The following ZCCHC4 variants were observed in gnomAD, a reference collection of about 807,000 sequenced individuals.
ZCCHC4 encodes the protein rRNA N(6)-adenosine-methyltransferase ZCCHC4.
A neutral mutation model predicts 67.7 loss-of-function variants in ZCCHC4; 54 were observed. That is an observed-to-expected ratio of 0.80 (90% confidence interval 0.64 to 1.00). The LOEUF (loss-of-function observed/expected upper bound fraction) is 1.00, where lower values mean the gene tolerates loss of function less well. Among genes scored for constraint, ZCCHC4 ranks in the 50% least tolerant of loss-of-function variants. The probability of loss-of-function intolerance (pLI) is 0.00; values close to 1 mark genes in which losing one functional copy is unlikely to be tolerated. For synonymous variants in ZCCHC4, 198 were observed against 213.5 expected (o/e 0.93, Z 0.63); for missense variants, 609 against 617.0 (o/e 0.99, Z 0.14).
At chr4:25,336,258 TTC>T (rs1448587801) in intron 5 of ZCCHC4, among the ~76,000 whole-genome samples, 1 of 152,204 alleles carries the variant, frequency 6.6e-6, no homozygotes, top group African/African-American at 2.4e-5. Flanking sequence ...TGTGGCTGGC[TTC>T]TTTCACTTAG....
intron 10 of ZCCHC4, among the ~76,000 whole-genome samples, chr4:25,363,595 A>C (rs1277786027): frequency 2.0e-5 from 3 of 152,224 alleles, no homozygotes; most frequent in Non-Finnish European, 4.4e-5. Flanking sequence ...TTATATAAAC[A>C]TTAGAAAGCA....
intron 6 of ZCCHC4, among the ~76,000 whole-genome samples, chr4:25,347,493 G>C (rs1720079776): frequency 6.6e-6 from 1 of 152,160 alleles, no homozygotes. Flanking sequence ...TTCAGCAGCA[G>C]CCTCTAAATA....
intron 3 of ZCCHC4, among the ~76,000 whole-genome samples, chr4:25,330,356 A>C (rs1338326573): frequency 6.6e-6 from 1 of 151,790 alleles, no homozygotes. Flanking sequence ...GTAATATTTT[A>C]TTGGATACTA....
Position 25,365,020 on chromosome 4 carries a change from A to G in ZCCHC4, c.1262-2A>G, listed in dbSNP as rs1475095539. The G allele has an allele frequency of 6.2e-7, 1 of 1,608,996 alleles. No individual in the cohort carries two copies. Among genetic ancestry groups the G allele is most frequent in the East Asian group, 2.2e-5 (1 of 44,872 alleles). On this transcript the variant is annotated splice_acceptor_variant, in intron 11 of 12. Coordinates refer to ENST00000302874, the MANE Select transcript of ZCCHC4 (RefSeq NM_024936.3). LOFTEE classifies it high-confidence loss of function. ...CTTTAAAACTTAATTTTTATTTTAC[A>G]GCCTGGATCCACTGTAGCATCTGCA...
chr4:25,362,529 G>A (rs1560417502), intron 10 of ZCCHC4, among the ~76,000 whole-genome samples: 1 of 152,262 alleles, frequency 6.6e-6, no homozygotes, highest in Non-Finnish European at 1.5e-5. Flanking sequence ...ATGGTACTGT[G>A]TGACTGCTAA....
At chr4:25,345,306 GTGTGTTT>G (rs1348946079) in intron 5 of ZCCHC4, among the ~76,000 whole-genome samples, 1 of 152,162 alleles carries the variant, frequency 6.6e-6, no homozygotes, top group Admixed American at 6.6e-5. Context: ...ATAGGAACAT[GTGTGTTT>G]TATATATGAG....
chr4:25,314,015 C>CTTT (rs61227153), intron 1 of ZCCHC4, 31 bp from the exon 2 acceptor site: 305,539 of 1,001,262 alleles, frequency 0.31, 27,902 homozygotes, highest in Non-Finnish European at 0.34. Context: ...TTACTTGACA[C>CTTT]TTTTTTTTTT....
chr4:25,329,623 C>T (rs1719076172), intron 3 of ZCCHC4, among the ~76,000 whole-genome samples: 2 of 151,404 alleles, frequency 1.3e-5, no homozygotes, highest in Admixed American at 1.3e-4. Flanking sequence ...CAACCTCTGC[C>T]TCATGGGTTC....
chr4:25,330,758 T>G (rs1444248102), intron 3 of ZCCHC4, among the ~76,000 whole-genome samples: 3 of 152,176 alleles, frequency 2.0e-5, no homozygotes, highest in Non-Finnish European at 4.4e-5. Flanking sequence ...ACTTGTGTAT[T>G]GTGAGGCATT....
chr4:25,334,799 C>T (rs530290529), intron 5 of ZCCHC4, among the ~76,000 whole-genome samples: 13 of 151,964 alleles, frequency 8.6e-5, no homozygotes, highest in Admixed American at 5.9e-4. Context: ...TTTGTGTTTC[C>T]TTTTATTTAG....
intron 6 of ZCCHC4, among the ~76,000 whole-genome samples, chr4:25,346,654 T>C (rs1317215461): frequency 1.3e-5 from 2 of 152,180 alleles, no homozygotes; most frequent in Admixed American, 1.3e-4. Flanking sequence ...TCCATTTGAA[T>C]CAATTTAGCA....
At position 25,324,014 on chromosome 4, in the gene ZCCHC4, G is replaced by GTTTTTTTTTTTTTTTTTTTTTT. The variant is rs71188998; in HGVS notation, c.329+8630_329+8631insTTTTTTTTTTTTTTTTTTTTTT. On this transcript the variant is annotated intron_variant, in intron 3 of 12. Coordinates refer to ENST00000302874, the MANE Select transcript of ZCCHC4 (RefSeq NM_024936.3). ...TCGTACAGTATGTACTGTTTTTTGT[G>GTTTTTTTTTTTTTTTTTTTTTT]TTTTTTTTTTTTTTTTGAGACAGAG... Among the ~76,000 whole-genome samples, 148 of 82,422 alleles carry GTTTTTTTTTTTTTTTTTTTTTT rather than the reference G, an allele frequency of 1.8e-3. 40 individuals are homozygous for GTTTTTTTTTTTTTTTTTTTTTT. Among genetic ancestry groups the GTTTTTTTTTTTTTTTTTTTTTT allele is most frequent in the African/African-American group, 5.5e-3 (105 of 19,170 alleles). The allele number at this position is 82,422 out of a possible 152,430, so 54.1% of individuals were successfully genotyped here. A position where few individuals can be genotyped will look rare whatever the true frequency, so the allele number is the denominator to read the frequency against.
chr4:25,336,510 G>A (rs543890717), intron 5 of ZCCHC4, among the ~76,000 whole-genome samples: 3 of 152,068 alleles, frequency 2.0e-5, no homozygotes, highest in South Asian at 2.1e-4. Flanking sequence ...TGTTTGAGAC[G>A]GAGTCTGGCT....
chr4:25,314,375 C>G lies in ZCCHC4; in HGVS notation c.246+211C>G, dbSNP rs536225095. Among the ~76,000 whole-genome samples the G allele has an allele frequency of 2.6e-5, 4 of 152,282 alleles. No homozygotes were observed. In the South Asian group the frequency reaches 8.3e-4, roughly 32 times the overall value. On this transcript the variant is annotated intron_variant, in intron 2 of 12. Coordinates refer to ENST00000302874, the MANE Select transcript of ZCCHC4 (RefSeq NM_024936.3). The stretch of plus-strand genomic sequence containing the variant: ...ACTACTGTCTCAAAGTCTTATTTCC[C>G]CATAAGACTCTCTGAGGTGGTAATA...
intron 8 of ZCCHC4, 28 bp from the exon 9 acceptor site, chr4:25,361,831 C>A: frequency 6.4e-7 from 1 of 1,569,950 alleles, no homozygotes; most frequent in Non-Finnish European, 8.7e-7. Context: ...AGTAAATTTT[C>A]TTTCTGCTCT....
At position 25,318,789 on chromosome 4, in the gene ZCCHC4, A is replaced by AT. The variant is rs200005317; in HGVS notation, c.329+3397dup. The stretch of plus-strand genomic sequence containing the variant: ...ATTATTAAAGAATTTCCAAAAGGTT[A>AT]TTTTTTTTGGGGGGCCATAATTTCA... On this transcript the variant is annotated intron_variant, in intron 3 of 12. Coordinates refer to ENST00000302874, the MANE Select transcript of ZCCHC4 (RefSeq NM_024936.3). Among the ~76,000 whole-genome samples the AT allele has an allele frequency of 2.8e-5, 3 of 106,190 alleles. No homozygotes were observed. In the Admixed American group the frequency reaches 2.9e-4, roughly 10 times the overall value. 69.7% of individuals were successfully genotyped at this position (106,190 alleles called of 152,430 possible). A position where few individuals can be genotyped will look rare whatever the true frequency, so the allele number is the denominator to read the frequency against.
Position 25,351,589 on chromosome 4 carries a change from A to C in ZCCHC4, c.911A>C (p.Asp304Ala). ...IAMWKEGQSQDDSHKELPIFW... is the reference protein window; with the variant it reads ...IAMWKEGQSQADSHKELPIFW... Reference sequence around the variant, plus strand: ...TTTTTTCCTTTTTGTGATCCATTAGATGACAGTCACAAAGAACTACCCATT... The same window carrying C: ...TTTTTTCCTTTTTGTGATCCATTAGCTGACAGTCACAAAGAACTACCCATT... The change falls in exon 8 of 13, where the codon GAT becomes GCT. Residue 304 changes from aspartate to alanine, a missense_variant and splice_region_variant. Coordinates refer to ENST00000302874, the MANE Select transcript of ZCCHC4 (RefSeq NM_024936.3). The C allele has an allele frequency of 6.2e-7, 1 of 1,600,030 alleles. No individual in the cohort carries two copies. Among genetic ancestry groups the C allele is most frequent in the Non-Finnish European group, 8.5e-7 (1 of 1,171,450 alleles).
intron 3 of ZCCHC4, among the ~76,000 whole-genome samples, chr4:25,332,883 A>T (rs528792811): frequency 1.3e-5 from 2 of 152,334 alleles, no homozygotes; most frequent in South Asian, 4.1e-4. Context: ...AGTTGTCATT[A>T]CTACTAAGTT....
chr4:25,358,328 C>A (rs1560415616), intron 8 of ZCCHC4, among the ~76,000 whole-genome samples: 1 of 152,110 alleles, frequency 6.6e-6, no homozygotes, highest in African/African-American at 2.4e-5. Flanking sequence ...AGTACCGGTA[C>A]CCTGTTCTTA....
Sources: gnomAD v4.1 joint callset for allele counts (sites outside exome capture counted in the v4.1 genomes callset) on GRCh38, gnomAD v4.1.1 for gene constraint, MANE v1.5 for transcripts, NCBI Gene and HGNC (gene_info 2026-07-23, HGNC 2026-07-21) for gene names.